The following FGF1 variants were observed in gnomAD, a reference collection of about 807,000 sequenced individuals.
FGF1 encodes beta-endothelial cell growth factor.
A neutral mutation model predicts 13.4 loss-of-function variants in FGF1; 9 were observed. The ratio of observed to expected loss-of-function variants is 0.67; its 90% CI spans 0.40 to 1.17. The LOEUF is 1.17. Among genes scored for constraint, FGF1 ranks in the 50% most tolerant of loss-of-function variants. The pLI, the probability that FGF1 is intolerant of heterozygous loss-of-function variation, is 0.01. For missense variants in FGF1, 156 were observed against 192.7 expected (o/e 0.81, Z 1.13); for synonymous variants, 93 against 79.0 (o/e 1.18, Z -0.94).
intron 2 of FGF1, among the ~76,000 whole-genome samples, chr5:142,694,088 A>AATCTATCTATCT (rs35496779): frequency 2.4e-4 from 34 of 140,612 alleles, no homozygotes; most frequent in Admixed American, 7.9e-4. Context: ...ATCTATCTAT[A>AATCTATCTATCT]ATCTATCTAT....
At chr5:142,609,552 A>C (rs1452064147) in intron 2 of FGF1, among the ~76,000 whole-genome samples, 1 of 152,214 alleles carries the variant, frequency 6.6e-6, no homozygotes, top group Non-Finnish European at 1.5e-5. Context: ...GTGTCTGGGC[A>C]CATTATGCCT....
At chr5:142,689,203 C>A (rs1189564577), upstream of FGF1, among the ~76,000 whole-genome samples, 2 of 152,190 alleles carry the variant, frequency 1.3e-5, no homozygotes, top group Admixed American at 6.5e-5. Context: ...AGACACATTG[C>A]ATTTTCTTTC....
chr5:142,696,218 A>G, intron 2 of FGF1, among the ~76,000 whole-genome samples: 1 of 152,192 alleles, frequency 6.6e-6, no homozygotes, highest in East Asian at 1.9e-4. Flanking sequence ...TCTGTCACTA[A>G]TACATTTTTA....
chr5:142,669,572 G>A (rs191239650), intron 1 of FGF1, among the ~76,000 whole-genome samples: 16 of 152,316 alleles, frequency 1.1e-4, no homozygotes, highest in African/African-American at 3.4e-4. Flanking sequence ...TAGAGGGACC[G>A]GAAGGATGAA....
chr5:142,667,220 G>A (rs1270593637), intron 1 of FGF1, among the ~76,000 whole-genome samples: 1 of 151,604 alleles, frequency 6.6e-6, no homozygotes, highest in Non-Finnish European at 1.5e-5. Flanking sequence ...GGAGACAGAG[G>A]TTGCAGTGAG....
chr5:142,680,279 T>A (rs1226706500), intron 1 of FGF1, among the ~76,000 whole-genome samples: 1 of 152,192 alleles, frequency 6.6e-6, no homozygotes, highest in Non-Finnish European at 1.5e-5. Context: ...TGTCTTCGAC[T>A]CATTGAATGA....
At chr5:142,662,118 G>A (rs1416663838) in intron 1 of FGF1, among the ~76,000 whole-genome samples, 3 of 152,204 alleles carry the variant, frequency 2.0e-5, no homozygotes, top group Admixed American at 1.3e-4. Context: ...GATTAGTGGT[G>A]TGCCCGGGGC....
chr5:142,646,185 A>G (rs1766042936), intron 1 of FGF1, among the ~76,000 whole-genome samples: 1 of 141,396 alleles, frequency 7.1e-6, no homozygotes, highest in South Asian at 2.2e-4. Flanking sequence ...CTGGGATTAC[A>G]GGCGTGAGCC....
At position 142,608,166 on chromosome 5, in the gene FGF1, A is replaced by G. The variant is rs116124593; in HGVS notation, c.169+5793T>C. On this transcript the variant is annotated intron_variant, in intron 2 of 3. Transcript: ENST00000337706. ...AGGCAAATGTAACGATAAGACCACA[A>G]CTGGTGCATTCAATGAGGAAAATGC... Among the ~76,000 whole-genome samples the G allele has an allele frequency of 3.5e-3, 526 of 152,240 alleles. 3 individuals carry two copies. The highest frequency in any genetic ancestry group is 0.012 in the African/African-American group (482 of 41,540).
At chr5:142,671,747 A>G (rs976024014) in intron 1 of FGF1, 1 of 152,256 alleles carries the variant, frequency 6.6e-6, no homozygotes, top group Non-Finnish European at 1.5e-5. Flanking sequence ...TTCTAGCTTC[A>G]TAACGATAGC....
At chr5:142,651,219 C>G (rs769918556) in intron 1 of FGF1, among the ~76,000 whole-genome samples, 5 of 152,262 alleles carry the variant, frequency 3.3e-5, no homozygotes, top group African/African-American at 1.2e-4. Flanking sequence ...CCCACGGGAG[C>G]CTGAACCCAC....
At chr5:142,644,069 C>T (rs2151956438) in intron 1 of FGF1, 1 of 152,306 alleles carries the variant, frequency 6.6e-6, no homozygotes, top group East Asian at 1.9e-4. Context: ...AGAATGTCCC[C>T]AGGAGCCCTA....
intron 1 of FGF1, among the ~76,000 whole-genome samples, chr5:142,656,828 T>G (rs1439701399): frequency 6.6e-6 from 1 of 152,066 alleles, no homozygotes; most frequent in Non-Finnish European, 1.5e-5. Context: ...GATAGAAAAC[T>G]GAAAAAATGA....
rs575526768 is a variant in FGF1, at chr5:142,619,713, A to G, written c.-34-5552T>C. 6.2e-4 allele frequency among the ~76,000 whole-genome samples: 94 copies of G among 152,150 alleles called. 1 individual carries two copies. Among genetic ancestry groups the G allele is most frequent in the African/African-American group, 2.0e-3 (83 of 41,510 alleles). On this transcript the variant is annotated intron_variant, in intron 1 of 3. Coordinates refer to ENST00000337706, the MANE Select transcript of FGF1 (RefSeq NM_000800.5). ...CCGGGCATGGTGGCGCATGCCTGTA[A>G]TCCCAGCTACTCAGGAGGCTGAGGC...
intron 2 of FGF1, among the ~76,000 whole-genome samples, chr5:142,610,236 T>C (rs988160077): frequency 1.3e-5 from 2 of 152,198 alleles, no homozygotes; most frequent in Non-Finnish European, 2.9e-5. Context: ...ACTTTGAATT[T>C]AGCTGCCACC....
At chr5:142,646,787 C>T (rs948474400) in intron 1 of FGF1, among the ~76,000 whole-genome samples, 21 of 152,124 alleles carry the variant, frequency 1.4e-4, no homozygotes, top group African/African-American at 4.8e-4. Context: ...CCACTGCGCC[C>T]GGCCTTTTCT....
chr5:142,606,046 G>T (rs995244338), intron 2 of FGF1, among the ~76,000 whole-genome samples: 2 of 152,002 alleles, frequency 1.3e-5, no homozygotes, highest in African/African-American at 4.8e-5. Context: ...TCTACTAGGT[G>T]CTGGGACTTA....
intron 1 of FGF1, among the ~76,000 whole-genome samples, chr5:142,682,017 G>A (rs907551492): frequency 1.3e-5 from 2 of 152,158 alleles, no homozygotes; most frequent in Admixed American, 6.5e-5. Context: ...AGTGGCACCA[G>A]GGGTCACTTA....
intron 1 of FGF1, among the ~76,000 whole-genome samples, chr5:142,642,347 CT>C (rs1765337865): frequency 6.6e-6 from 1 of 152,168 alleles, no homozygotes; most frequent in African/African-American, 2.4e-5. Flanking sequence ...TCCTTGTCCC[CT>C]TGGCCTGGGG....
Sources: gnomAD v4.1 joint callset for allele counts (sites outside exome capture counted in the v4.1 genomes callset) on GRCh38, gnomAD v4.1.1 for gene constraint, MANE v1.5 for transcripts, NCBI Gene and HGNC (gene_info 2026-07-23, HGNC 2026-07-21) for gene names.